Variants in THSD7B observed in about 807,000 individuals in gnomAD.
THSD7B encodes thrombospondin type 1 domain containing 7B.
Under a neutral mutation model 213.6 loss-of-function variants are expected in THSD7B, and 138 were observed. The ratio of observed to expected loss-of-function variants is 0.65; its 90% CI spans 0.56 to 0.74. The LOEUF is 0.74. Ranked by LOEUF, THSD7B falls within the 30% of genes least tolerant of loss-of-function variation. THSD7B has a pLI of 0.00. For missense variants in THSD7B, 1,931 were observed against 1,991.5 expected (o/e 0.97, Z 0.58); for synonymous variants, 742 against 687.0 (o/e 1.08, Z -1.25).
At chr2:136,849,936 G>A (rs1034875372) in intron 1 of THSD7B, among the ~76,000 whole-genome samples, 2 of 152,016 alleles carry the variant, frequency 1.3e-5, no homozygotes, top group African/African-American at 4.8e-5. Context: ...TACATTGGAA[G>A]TCATTTATGT....
In THSD7B at chr2:136,941,089, AGTGAGAACATGTG is replaced by A. The variant is rs1438985950; in HGVS notation, c.139+58776_139+58788del. 4.6e-5 allele frequency among the ~76,000 whole-genome samples: 7 copies of A among 151,978 alleles called. No individual in the cohort carries two copies. The South Asian group carries it at 1.5e-3, about 32-fold the overall frequency. On this transcript the variant is annotated intron_variant, in intron 2 of 27. Coordinates refer to ENST00000409968, the MANE Select transcript of THSD7B (RefSeq NM_001316349.2). ...TCTCATTGTTCAATTCCTATGTATG[AGTGAGAACATGTG>A]GTGTTTGGTTTTCTGTCCTTGTGAC...
At chr2:137,075,530 A>T (rs199923226) in intron 3 of THSD7B, among the ~76,000 whole-genome samples, 8 of 151,918 alleles carry the variant, frequency 5.3e-5, no homozygotes, top group Admixed American at 5.2e-4. Flanking sequence ...CATTGGTTCG[A>T]ATTTCCTCCT....
chr2:137,241,257 T>C (rs4954488), intron 9 of THSD7B, among the ~76,000 whole-genome samples: 143,995 of 152,258 alleles, frequency 0.95, 68,166 homozygotes, highest in Middle Eastern at 0.98. Flanking sequence ...ATGAAACTTA[T>C]GGGAAACAGA....
chr2:136,830,057 T>C (rs1682723787), intron 1 of THSD7B, among the ~76,000 whole-genome samples: 1 of 152,144 alleles, frequency 6.6e-6, no homozygotes, highest in African/African-American at 2.4e-5. Context: ...TGTGTTGTTT[T>C]CCCAGCCCGT....
At chr2:137,495,827 T>A (rs1679549418) in intron 15 of THSD7B, among the ~76,000 whole-genome samples, 1 of 152,172 alleles carries the variant, frequency 6.6e-6, no homozygotes, top group African/African-American at 2.4e-5. Context: ...ATATGCCTCT[T>A]AACTTTTCAA....
chr2:136,926,780 T>C (rs1228276891), intron 2 of THSD7B, among the ~76,000 whole-genome samples: 1 of 152,184 alleles, frequency 6.6e-6, no homozygotes, highest in East Asian at 1.9e-4. Context: ...TCAATATTTC[T>C]GTGAATTGCT....
chr2:137,308,606 ATT>A (rs920827011), intron 12 of THSD7B, among the ~76,000 whole-genome samples: 11 of 151,990 alleles, frequency 7.2e-5, no homozygotes, highest in African/African-American at 2.7e-4. Context: ...TGTTTATATA[ATT>A]TTTTTCTGTT....
chr2:136,807,442 C>T (rs1682301447), intron 1 of THSD7B, among the ~76,000 whole-genome samples: 2 of 151,348 alleles, frequency 1.3e-5, no homozygotes, highest in Admixed American at 6.6e-5. Flanking sequence ...CTTCTGCATT[C>T]CTTTGACATA....
chr2:137,492,887 C>T (rs1050062225), intron 15 of THSD7B, among the ~76,000 whole-genome samples: 5 of 151,706 alleles, frequency 3.3e-5, no homozygotes, highest in East Asian at 1.9e-4. Context: ...TTTGGGAGGC[C>T]GACATGGGTA....
intron 12 of THSD7B, among the ~76,000 whole-genome samples, chr2:137,398,939 C>T (rs1401361637): frequency 2.0e-5 from 3 of 152,144 alleles, no homozygotes; most frequent in Non-Finnish European, 2.9e-5. Context: ...AGGTGCTGTC[C>T]GTTACCCCTT....
At chr2:137,358,034 T>A (rs1466645682) in intron 12 of THSD7B, among the ~76,000 whole-genome samples, 2 of 152,226 alleles carry the variant, frequency 1.3e-5, no homozygotes, top group Non-Finnish European at 2.9e-5. Context: ...CCCTTTTTTA[T>A]GGTGATTTTC....
intron 10 of THSD7B, among the ~76,000 whole-genome samples, chr2:137,269,259 A>G (rs998349234): frequency 6.6e-6 from 1 of 152,058 alleles, no homozygotes; most frequent in African/African-American, 2.4e-5. Flanking sequence ...TCCTTTTGAA[A>G]CTCCATCTGA....
chr2:137,344,461 T>C (rs894115685), intron 12 of THSD7B, among the ~76,000 whole-genome samples: 2 of 151,628 alleles, frequency 1.3e-5, no homozygotes, highest in African/African-American at 4.8e-5. Flanking sequence ...ATAGTAGAGA[T>C]GAAAAAAGGA....
chr2:137,566,625 C>G (rs1270354632), intron 16 of THSD7B, among the ~76,000 whole-genome samples: 1 of 152,104 alleles, frequency 6.6e-6, no homozygotes, highest in Admixed American at 6.6e-5. Context: ...GTACTTAGTT[C>G]ATCTGGGCAT....
intron 15 of THSD7B, among the ~76,000 whole-genome samples, chr2:137,560,676 C>T (rs1026031965): frequency 6.6e-6 from 1 of 152,034 alleles, no homozygotes; most frequent in African/African-American, 2.4e-5. Flanking sequence ...CAAACCTGCA[C>T]GTTGTGCACA....
chr2:137,306,774 A>G (rs896451623), intron 12 of THSD7B, among the ~76,000 whole-genome samples: 1 of 151,280 alleles, frequency 6.6e-6, no homozygotes, highest in African/African-American at 2.4e-5. Flanking sequence ...AAGTGTTTTC[A>G]TTTTTTGCCC....
intron 10 of THSD7B, among the ~76,000 whole-genome samples, chr2:137,245,887 C>G (rs1682021105): frequency 6.6e-6 from 1 of 152,142 alleles, no homozygotes; most frequent in Non-Finnish European, 1.5e-5. Flanking sequence ...ATACAAGTCC[C>G]CTGGGGATCT....
In THSD7B at chr2:136,960,860, T is replaced by C. The variant is rs532635376; in HGVS notation, c.139+78543T>C. The stretch of plus-strand genomic sequence containing the variant: ...ATCCCAGCTCTTAGGGAGGCCGAGG[T>C]GGGCGGATCGCAAGGTCAGGAGATC... On this transcript the variant is annotated intron_variant, in intron 2 of 27. Coordinates refer to ENST00000409968, the MANE Select transcript of THSD7B (RefSeq NM_001316349.2). Among the ~76,000 whole-genome samples the C allele has an allele frequency of 4.6e-5, 7 of 151,164 alleles. 1 individual carries two copies. The South Asian group carries it at 6.3e-4, about 14-fold the overall frequency.
At chr2:137,615,661 G>C (rs960958369) in intron 17 of THSD7B, among the ~76,000 whole-genome samples, 1 of 152,162 alleles carries the variant, frequency 6.6e-6, no homozygotes, top group Non-Finnish European at 1.5e-5. Flanking sequence ...TCCCAAATAA[G>C]AAGAAGGTTC....
Sources: gnomAD v4.1 joint callset for allele counts (sites outside exome capture counted in the v4.1 genomes callset) on GRCh38, gnomAD v4.1.1 for gene constraint, MANE v1.5 for transcripts, NCBI Gene and HGNC (gene_info 2026-07-23, HGNC 2026-07-21) for gene names.